The following SLIT1 variants were observed in gnomAD, a reference collection of about 807,000 sequenced individuals.
SLIT1 encodes the protein slit guidance ligand 1, also known as slit homolog 1 protein.
In SLIT1, 66 loss-of-function variants were observed where a neutral mutation model predicts 186.1. That is an observed-to-expected ratio of 0.35 (90% confidence interval 0.29 to 0.44). The LOEUF (loss-of-function observed/expected upper bound fraction) is 0.44. Ranked by LOEUF, SLIT1 falls within the 20% of genes least tolerant of loss-of-function variation. The pLI is 1.00. For missense variants in SLIT1, 1,638 were observed against 2,037.4 expected, an observed-to-expected ratio of 0.80 and a Z score of 3.77; for synonymous variants, 761 against 833.8, an observed-to-expected ratio of 0.91 and a Z score of 1.50.
Position 97,002,696 on chromosome 10 carries a change from A to G in SLIT1, c.4154+8T>C. The G allele has an allele frequency of 6.4e-7, 1 of 1,557,078 alleles. No individual in the cohort carries two copies. The highest frequency in any genetic ancestry group is 8.7e-7 in the Non-Finnish European group (1 of 1,148,950). ...GGGGCAAGGGCTCCCCCAGTGCCCCAGGCTCACTTGTGGCCATGGCAGGGG... is the reference window on the plus strand; with the variant it reads ...GGGGCAAGGGCTCCCCCAGTGCCCCGGGCTCACTTGTGGCCATGGCAGGGG... On this transcript the variant is annotated splice_region_variant and intron_variant, in intron 35 of 36. Transcript: ENST00000266058.
chr10:97,171,194 G>A (rs955050310), intron 1 of SLIT1, among the ~76,000 whole-genome samples: 4 of 152,132 alleles, frequency 2.6e-5, no homozygotes, highest in Admixed American at 6.5e-5. Flanking sequence ...AGAGTCAGAC[G>A]GGGAAAACGG....
At chr10:97,114,333 T>C (rs1849491578) in intron 4 of SLIT1, among the ~76,000 whole-genome samples, 2 of 152,168 alleles carry the variant, frequency 1.3e-5, no homozygotes, top group East Asian at 1.9e-4. Context: ...GAGGGAATTA[T>C]TGCACATTCT....
chr10:97,179,800 T>TCCCCCCCCCC (rs150754287), intron 1 of SLIT1, among the ~76,000 whole-genome samples: 135 of 126,278 alleles, frequency 1.1e-3, no homozygotes, highest in South Asian at 1.6e-3. Context: ...CTCCACACCC[T>TCCCCCCCCCC]CCCCGCCCCC....
intron 28 of SLIT1, among the ~76,000 whole-genome samples, chr10:97,015,618 G>A (rs1361897692): frequency 1.3e-5 from 2 of 152,248 alleles, no homozygotes; most frequent in East Asian, 3.9e-4. Flanking sequence ...ACTGAGAGAA[G>A]AAAAGAACAA....
At chr10:97,102,421 T>C (rs1421155323) in intron 4 of SLIT1, 1 of 28,482 alleles carries the variant, frequency 3.5e-5, no homozygotes, top group Non-Finnish European at 7.2e-5. Context: ...TAAGACTCCG[T>C]CAAAAAAAAA....
intron 4 of SLIT1, among the ~76,000 whole-genome samples, chr10:97,147,642 A>G (rs1849832996): frequency 6.6e-6 from 1 of 150,578 alleles, no homozygotes; most frequent in Non-Finnish European, 1.5e-5. Flanking sequence ...GAGGGGGGGG[A>G]AGGAGGCCTT....
chr10:97,048,450 G>A (rs1241752262), intron 14 of SLIT1, among the ~76,000 whole-genome samples: 2 of 152,186 alleles, frequency 1.3e-5, no homozygotes, highest in Admixed American at 1.3e-4. Context: ...CAGGCCTCCT[G>A]AGTGTCTTAA....
chr10:97,026,001 G>A (rs1475394128), intron 25 of SLIT1, among the ~76,000 whole-genome samples: 2 of 152,158 alleles, frequency 1.3e-5, no homozygotes, highest in Non-Finnish European at 2.9e-5. Flanking sequence ...CTAAAAGCAT[G>A]AGAAAAGCAC....
Position 97,043,242 on chromosome 10 carries a change from GA to G in SLIT1, c.1997+127del, listed in dbSNP as rs1848704860. On this transcript the variant is annotated intron_variant, in intron 19 of 36. Transcript: ENST00000266058. This position sits in a 1 kb window ranked among gnomAD's most constrained non-coding sequence, Gnocchi z 7.0. Reference sequence around the variant, plus strand: ...GACCGGAGGGAGACTTCGAAATGTGGAACCCACGTTTCAGCAAACCACGAAG... The same window carrying G: ...GACCGGAGGGAGACTTCGAAATGTGGACCCACGTTTCAGCAAACCACGAAG... 5.8e-6 allele frequency: 8 copies of G among 1,368,520 alleles called. No homozygotes were observed. In the South Asian group the frequency reaches 9.2e-5, roughly 16 times the overall value. The allele number at this position is 1,368,520 out of a possible 1,614,324, so 84.8% of individuals were successfully genotyped here. A position where few individuals can be genotyped will look rare whatever the true frequency, so the allele number is the denominator to read the frequency against.
At chr10:97,155,912 G>C (rs1849944835) in intron 4 of SLIT1, among the ~76,000 whole-genome samples, 1 of 152,234 alleles carries the variant, frequency 6.6e-6, no homozygotes, top group African/African-American at 2.4e-5. Context: ...TGGGGCCAAG[G>C]CAGGGCAAGG....
intron 4 of SLIT1, among the ~76,000 whole-genome samples, chr10:97,104,367 G>A (rs1156674705): frequency 6.6e-6 from 1 of 152,112 alleles, no homozygotes; most frequent in Non-Finnish European, 1.5e-5. Flanking sequence ...ATATCACTGT[G>A]ATGAAGCAGT....
chr10:97,119,319 A>G (rs955785584), intron 4 of SLIT1, among the ~76,000 whole-genome samples: 1 of 151,902 alleles, frequency 6.6e-6, no homozygotes, highest in African/African-American at 2.4e-5. Context: ...AAGTGGGTTT[A>G]TTTCTCTTTT....
In SLIT1 at chr10:97,139,130, C is replaced by G. The variant is rs113949522; in HGVS notation, c.413+18688G>C. The stretch of plus-strand genomic sequence containing the variant: ...CCCAGGGTCCCCACGGCCAAGTCAG[C>G]GGGAGTGAGGCTGGAAAGGAGGGCC... On this transcript the variant is annotated intron_variant, in intron 4 of 36. Transcript: ENST00000266058. Among the ~76,000 whole-genome samples, 679 of 152,258 alleles carry G rather than the reference C, an allele frequency of 4.5e-3. 9 individuals carry two copies. The highest frequency in any genetic ancestry group is 0.016 in the African/African-American group (650 of 41,532).
Position 97,049,102 on chromosome 10 carries a change from G to C in SLIT1, c.1318C>G (p.Pro440Ala), listed in dbSNP as rs897480539. Residue 440 changes from proline to alanine, a missense_variant, in exon 14 of 37, where the codon CCT becomes GCT. Physicochemically the swap from Pro to Ala is conservative, Grantham distance 27. This residue lies in a region of SLIT1 where 1,245 missense variants were observed against 1,535.3 expected (regional missense o/e 0.81). Coordinates refer to ENST00000266058, the MANE Select transcript of SLIT1 (RefSeq NM_003061.3). ...TTGAGGTTACAGTCGCAAATGAAAG[G>C]GTTCTGCGCCAGGTGCCTGTCCAAA... The part of the protein sequence containing the change: ...AIQTLHLAQN[P>A]FICDCNLKWL... 5.0e-6 allele frequency: 8 copies of C among 1,613,564 alleles called. No individual in the cohort carries two copies. Among genetic ancestry groups the C allele is most frequent in the South Asian group, 2.2e-5 (2 of 91,080 alleles).
intron 13 of SLIT1, 131 bp from the exon 14 acceptor site, chr10:97,049,249 G>T (rs537132396): frequency 2.8e-6 from 3 of 1,063,058 alleles, no homozygotes; most frequent in Non-Finnish European, 4.0e-6. Flanking sequence ...GGTCAGCCAC[G>T]GGGGGAAAGA....
intron 25 of SLIT1, among the ~76,000 whole-genome samples, chr10:97,028,628 T>C (rs1848566594): frequency 6.6e-6 from 1 of 152,234 alleles, no homozygotes; most frequent in Non-Finnish European, 1.5e-5. Flanking sequence ...GCATAAATGG[T>C]ACCTCCTCTG....
chr10:97,051,090 G>T (rs888871882), intron 13 of SLIT1, among the ~76,000 whole-genome samples: 3 of 152,210 alleles, frequency 2.0e-5, no homozygotes, highest in African/African-American at 7.2e-5. Context: ...GCAGTGGAAG[G>T]AAAGGAAGAG....
At chr10:97,120,563 C>T (rs759419188) in intron 4 of SLIT1, among the ~76,000 whole-genome samples, 9 of 152,322 alleles carry the variant, frequency 5.9e-5, no homozygotes, top group Non-Finnish European at 1.2e-4. Context: ...ACCGTGTGCA[C>T]GGGCGGCTCT....
Position 97,109,656 on chromosome 10 carries a change from G to C in SLIT1, c.414-43570C>G, listed in dbSNP as rs868290277. ...TATTAACATTTCAAAGTAAATACTG[G>C]AAGAGTGCTGCCTGAGCCTTGGAGT... On this transcript the variant is annotated intron_variant, in intron 4 of 36. Transcript: ENST00000266058. 4.5e-4 allele frequency among the ~76,000 whole-genome samples: 68 copies of C among 152,334 alleles called. 1 individual carries two copies. Among genetic ancestry groups the C allele is most frequent in the Middle Eastern group, 3.4e-3 (1 of 294 alleles).
Sources: allele counts gnomAD v4.1 joint callset (sites outside exome capture counted in the v4.1 genomes callset), GRCh38; gene constraint gnomAD v4.1.1; regional missense constraint gnomAD v4.1.1; non-coding constraint Gnocchi (gnomAD v3.1); transcripts MANE v1.5; gene names NCBI Gene and HGNC (gene_info 2026-07-23, HGNC 2026-07-21).